GABRG3: variants seen among roughly 807,000 people sequenced by gnomAD.
GABRG3 encodes gamma-aminobutyric acid receptor subunit gamma-3.
Under a neutral mutation model 48.8 loss-of-function variants are expected in GABRG3, and 25 were observed. The observed-to-expected ratio is 0.51, with a 90% CI of 0.37 to 0.72. The LOEUF (loss-of-function observed/expected upper bound fraction) is 0.72. Among genes scored for constraint, GABRG3 ranks in the 30% least tolerant of loss-of-function variants. The probability of loss-of-function intolerance (pLI) is 0.00; values close to 1 mark genes in which losing one functional copy is unlikely to be tolerated. For missense variants in GABRG3, 394 were observed against 577.9 expected, an observed-to-expected ratio of 0.68 and a Z score of 3.26; for synonymous variants, 227 against 217.6, an observed-to-expected ratio of 1.04 and a Z score of -0.38.
intron 3 of GABRG3, among the ~76,000 whole-genome samples, chr15:27,039,703 CTTTT>C (rs1462874731): frequency 6.6e-6 from 1 of 152,220 alleles, no homozygotes; most frequent in Non-Finnish European, 1.5e-5. Context: ...ACAGAACTTT[CTTTT>C]GTCAGCATTC....
In GABRG3 at chr15:27,400,669, A is replaced by G. The variant is rs577303999; in HGVS notation, c.574+71781A>G. Among the ~76,000 whole-genome samples the G allele has an allele frequency of 4.6e-5, 7 of 152,314 alleles. No homozygotes were observed. The South Asian group carries it at 1.4e-3, about 32-fold the overall frequency. On this transcript the variant is annotated intron_variant, in intron 5 of 9. Coordinates refer to ENST00000615808, the MANE Select transcript of GABRG3 (RefSeq NM_033223.5). ...TCCTCACCACTAGATGAGGATGTGC[A>G]GATTTTGTGCTTTTTCAAATTAGTT...
At chr15:27,200,016 C>T (rs1315280028) in intron 3 of GABRG3, among the ~76,000 whole-genome samples, 1 of 151,860 alleles carries the variant, frequency 6.6e-6, no homozygotes, top group Non-Finnish European at 1.5e-5. Context: ...TTTCTCCTTT[C>T]CTTCCTCCCT....
intron 2 of GABRG3, among the ~76,000 whole-genome samples, chr15:26,983,152 CTT>C (rs34171008): frequency 3.0e-4 from 44 of 146,568 alleles, no homozygotes; most frequent in African/African-American, 8.2e-4. Context: ...TTTCTCATGA[CTT>C]TTTTTTTTTT....
At chr15:27,021,065 A>G (rs926271575) in intron 2 of GABRG3, among the ~76,000 whole-genome samples, 4 of 152,218 alleles carry the variant, frequency 2.6e-5, no homozygotes, top group African/African-American at 4.8e-5. Flanking sequence ...TCCTAGCACA[A>G]AGAAAAGACA....
intron 7 of GABRG3, among the ~76,000 whole-genome samples, chr15:27,520,784 A>T (rs1267397361): frequency 1.3e-5 from 2 of 150,816 alleles, no homozygotes; most frequent in Non-Finnish European, 2.9e-5. Context: ...CTGAATATAG[A>T]GATTGTTTTC....
chr15:27,081,100 A>G lies in GABRG3; in HGVS notation c.270+54279A>G, dbSNP rs552543888. Among the ~76,000 whole-genome samples the G allele has an allele frequency of 1.1e-3, 161 of 152,300 alleles. No homozygotes were observed. The Middle Eastern group carries it at 0.027, about 26-fold the overall frequency. ...GCTAAGCCTGGCCCACATCAGCAGG[A>G]CCACAAGTTGACCTGGAGACTCCTG... On this transcript the variant is annotated intron_variant, in intron 3 of 9. Coordinates refer to ENST00000615808, the MANE Select transcript of GABRG3 (RefSeq NM_033223.5).
At position 27,537,637 on chromosome 15, in the gene GABRG3, G is replaced by A; in HGVS notation, c.*4756G>A. On this transcript the variant is annotated 3_prime_UTR_variant, in exon 10 of 10. Transcript: ENST00000615808. ...ACTCAGCCATTCAGTATTTCTGGAA[G>A]AATTAAAAACTTGGCTTTCTTTTTC... The A allele has an allele frequency of 7.1e-6, 1 of 141,030 alleles. No homozygotes were observed. Among genetic ancestry groups the A allele is most frequent in the Admixed American group, 6.6e-5 (1 of 15,086 alleles). 8.7% of individuals were successfully genotyped at this position (141,030 alleles called of 1,614,324 possible).
intron 2 of GABRG3, among the ~76,000 whole-genome samples, chr15:26,984,505 ATTTC>A (rs1447411433): frequency 2.0e-5 from 3 of 152,118 alleles, no homozygotes; most frequent in African/African-American, 7.2e-5. Flanking sequence ...CCTAGACATT[ATTTC>A]TTCTCAACTA....
chr15:27,289,769 T>C (rs1891737221), intron 3 of GABRG3, among the ~76,000 whole-genome samples: 1 of 152,198 alleles, frequency 6.6e-6, no homozygotes, highest in Non-Finnish European at 1.5e-5. Context: ...TATGTGTTAA[T>C]GATTTATAGT....
rs755629778 is a variant in GABRG3 at position 27,253,196 on chromosome 15, G to A, written c.271-73613G>A. ...GGAAGGGACTCCCTAAGAAGGCACC[G>A]CAAAGGCTGGACGCATCAAATCATA... On this transcript the variant is annotated intron_variant, in intron 3 of 9. Coordinates refer to ENST00000615808, the MANE Select transcript of GABRG3 (RefSeq NM_033223.5). Among the ~76,000 whole-genome samples the A allele has an allele frequency of 9.8e-5, 15 of 152,322 alleles. No homozygotes were observed. The East Asian group carries it at 2.1e-3, about 22-fold the overall frequency.
At chr15:27,084,811 G>A (rs1897049262) in intron 3 of GABRG3, among the ~76,000 whole-genome samples, 1 of 152,162 alleles carries the variant, frequency 6.6e-6, no homozygotes, top group Admixed American at 6.5e-5. Flanking sequence ...AGGGTCTCCA[G>A]GGGGGTGCCA....
At chr15:27,407,784 A>G (rs1887681509) in intron 5 of GABRG3, among the ~76,000 whole-genome samples, 1 of 152,206 alleles carries the variant, frequency 6.6e-6, no homozygotes, top group Non-Finnish European at 1.5e-5. Context: ...TATAGAGAAC[A>G]GTGGTTGCCA....
intron 3 of GABRG3, among the ~76,000 whole-genome samples, chr15:27,097,588 T>A (rs981910779): frequency 1.6e-4 from 24 of 152,098 alleles, no homozygotes; most frequent in African/African-American, 5.3e-4. Context: ...CAGCTTTAAT[T>A]ATAATATTCT....
chr15:27,108,719 A>G (rs936757429), intron 3 of GABRG3, among the ~76,000 whole-genome samples: 2 of 152,060 alleles, frequency 1.3e-5, no homozygotes, highest in African/African-American at 2.4e-5. Context: ...TTTCATTACT[A>G]TCAGTTTTTC....
chr15:27,024,428 AG>A (rs1895949452), intron 2 of GABRG3, among the ~76,000 whole-genome samples: 1 of 152,126 alleles, frequency 6.6e-6, no homozygotes, highest in South Asian at 2.1e-4. Context: ...ATAGTTTTGT[AG>A]TTTTAGGCCT....
At chr15:27,244,919 G>A (rs376125548) in intron 3 of GABRG3, among the ~76,000 whole-genome samples, 33 of 152,246 alleles carry the variant, frequency 2.2e-4, no homozygotes, top group African/African-American at 7.7e-4. Flanking sequence ...GCAACAGTGT[G>A]TATGGGGTGG....
intron 5 of GABRG3, among the ~76,000 whole-genome samples, chr15:27,392,980 G>GT (rs1169073419): frequency 1.3e-5 from 2 of 151,910 alleles, no homozygotes; most frequent in Non-Finnish European, 2.9e-5. Flanking sequence ...CTTATATTCT[G>GT]TTTTTTTCTC....
At chr15:27,434,275 C>G (rs918051304) in intron 5 of GABRG3, among the ~76,000 whole-genome samples, 2 of 152,104 alleles carry the variant, frequency 1.3e-5, no homozygotes, top group African/African-American at 4.8e-5. Context: ...AATGGTGGGA[C>G]AATGAACATT....
intron 3 of GABRG3, among the ~76,000 whole-genome samples, chr15:27,124,149 T>C (rs1041386801): frequency 6.6e-6 from 1 of 152,198 alleles, no homozygotes; most frequent in African/African-American, 2.4e-5. Flanking sequence ...TCTTAGAGCC[T>C]GGGGACAAAT....
Sources: gnomAD v4.1 joint callset for allele counts (sites outside exome capture counted in the v4.1 genomes callset) on GRCh38, gnomAD v4.1.1 for gene constraint, MANE v1.5 for transcripts, NCBI Gene and HGNC (gene_info 2026-07-23, HGNC 2026-07-21) for gene names.